CBR4: variants seen among roughly 807,000 people sequenced by gnomAD.
CBR4 encodes 3-oxoacyl-[acyl-carrier-protein] reductase.
CBR4 carries 22 observed loss-of-function variants against 21.0 expected under a neutral mutation model. The observed-to-expected ratio is 1.05, with a 90% CI of 0.75 to 1.50. CBR4 has a LOEUF of 1.50. Among genes scored for constraint, CBR4 ranks in the 40% most tolerant of loss-of-function variants. CBR4 has a pLI of 0.00. For missense variants in CBR4, 302 were observed against 286.3 expected (o/e 1.05, Z -0.40); for synonymous variants, 100 against 104.4 (o/e 0.96, Z 0.26).
At chr4:168,906,944 T>G (rs1001771406) in intron 2 of CBR4, among the ~76,000 whole-genome samples, 5 of 152,162 alleles carry the variant, frequency 3.3e-5, no homozygotes, top group African/African-American at 1.2e-4. Context: ...GCAACACCGA[T>G]GATACTGAAA....
chr4:168,985,361 A>G (rs999749608), downstream of CBR4, among the ~76,000 whole-genome samples: 1 of 152,208 alleles, frequency 6.6e-6, no homozygotes, highest in African/African-American at 2.4e-5. Flanking sequence ...CGCCACTCAG[A>G]TTGGCTATTA....
chr4:169,002,122 G>A lies in CBR4; in HGVS notation c.484C>T (p.Leu162Phe). ...KGGLVGFSRA[L>F]AKEVARKKIR... ...TTCTTTCTTGCTACCTCTTTAGCAA[G>A]AGCACGTGAAAATCCAACTAATCCT... Residue 162 changes from leucine (L) to phenylalanine (F), a missense_variant, in exon 4 of 5, where the codon CTT becomes TTT. Leu to Phe is a conservative substitution (Grantham distance 22, BLOSUM62 0). Transcript: ENST00000306193. The A allele has an allele frequency of 1.9e-6, 3 of 1,590,406 alleles. No individual in the cohort carries two copies. Among genetic ancestry groups the A allele is most frequent in the Non-Finnish European group, 2.6e-6 (3 of 1,170,414 alleles).
At position 168,924,391 on chromosome 4, in the gene CBR4, A is replaced by G. The variant is rs1254614507; in HGVS notation, n.170-29626T>C. The G allele has an allele frequency of 6.2e-7, 1 of 1,613,916 alleles. No homozygotes were observed. Among genetic ancestry groups the G allele is most frequent in the Admixed American group, 1.7e-5 (1 of 60,000 alleles). Reference sequence around the variant, plus strand: ...AGATATTTTGGAAGAAAGAAAATGAATCACTCACTCACAGCACTGACCGAG... The same window carrying G: ...AGATATTTTGGAAGAAAGAAAATGAGTCACTCACTCACAGCACTGACCGAG... On this transcript the variant is annotated intron_variant and non_coding_transcript_variant, in intron 2 of 3. Coordinates refer to the CBR4 transcript ENST00000509108.
At chr4:168,895,837 T>C (rs1031250651) in intron 2 of CBR4, among the ~76,000 whole-genome samples, 1 of 152,264 alleles carries the variant, frequency 6.6e-6, no homozygotes, top group Non-Finnish European at 1.5e-5. Context: ...TTCTTTCACA[T>C]ATATACAGAT....
intron 4 of CBR4, among the ~76,000 whole-genome samples, chr4:168,995,824 T>C (rs1765172213): frequency 6.6e-6 from 1 of 152,144 alleles, no homozygotes; most frequent in Non-Finnish European, 1.5e-5. Context: ...CCAAGTAAGC[T>C]AGATATGGAA....
intron 4 of CBR4, among the ~76,000 whole-genome samples, chr4:169,000,137 T>C (rs1023228354): frequency 6.6e-6 from 1 of 152,326 alleles, no homozygotes; most frequent in African/African-American, 2.4e-5. Context: ...CAAATACATG[T>C]AGTTCCAAAC....
At position 168,933,890 on chromosome 4, in the gene CBR4, TAAAC is replaced by T. The variant is rs1582286306; in HGVS notation, n.170-39129_170-39126del. The stretch of plus-strand genomic sequence containing the variant: ...CAAAACTGTACAAATACATGGAAAT[TAAAC>T]AACATGCTCCTGACTGACCAATGGA... On this transcript the variant is annotated intron_variant and non_coding_transcript_variant, in intron 2 of 3. Coordinates refer to the CBR4 transcript ENST00000509108. Among the ~76,000 whole-genome samples the T allele has an allele frequency of 5.3e-5, 8 of 152,050 alleles. No individual in the cohort carries two copies. In the South Asian group the frequency reaches 1.7e-3, roughly 32 times the overall value.
intron 2 of CBR4, among the ~76,000 whole-genome samples, chr4:168,897,107 G>A (rs978694640): frequency 1.3e-5 from 2 of 152,086 alleles, no homozygotes; most frequent in Non-Finnish European, 2.9e-5. Context: ...CTGGGAATAC[G>A]GCATGAGCCA....
At chr4:168,981,783 C>T (rs925064870) in intron 2 of CBR4, among the ~76,000 whole-genome samples, 6 of 152,084 alleles carry the variant, frequency 3.9e-5, no homozygotes, top group Admixed American at 1.3e-4. Flanking sequence ...AAAAGAAATT[C>T]CAACCAAGAA....
In CBR4 at chr4:168,894,695, A is replaced by G. The variant is rs1754743835; in HGVS notation, n.240T>C. 3 of 1,610,482 alleles carry G rather than the reference A, an allele frequency of 1.9e-6. No homozygotes were observed. The highest frequency in any genetic ancestry group is 3.3e-5 in the Admixed American group (2 of 59,914). On this transcript the variant is annotated non_coding_transcript_exon_variant, in exon 3 of 4. Coordinates refer to the CBR4 transcript ENST00000509108. ...CTAATCAGGTACCATGTTGCTCTGGACTTCTTAGGGTAACATTTATTCTGT... is the reference window on the plus strand; with the variant it reads ...CTAATCAGGTACCATGTTGCTCTGGGCTTCTTAGGGTAACATTTATTCTGT...
chr4:168,961,941 AG>A, intron 2 of CBR4, among the ~76,000 whole-genome samples: 1 of 360 alleles, frequency 2.8e-3, no homozygotes, highest in Non-Finnish European at 5.2e-3. Flanking sequence ...AGGAGAGCAC[AG>A]GAGAGGAGAG....
chr4:168,957,743 C>T (rs1763727781), intron 2 of CBR4, among the ~76,000 whole-genome samples: 2 of 152,160 alleles, frequency 1.3e-5, no homozygotes, highest in Admixed American at 6.5e-5. Flanking sequence ...TATGGTTTAG[C>T]TGTGTTCCCA....
chr4:168,915,406 C>T (rs1340707111), intron 2 of CBR4, among the ~76,000 whole-genome samples: 10 of 152,118 alleles, frequency 6.6e-5, no homozygotes, highest in African/African-American at 2.4e-4. Context: ...ATATGGATAA[C>T]TAATGCAAAA....
Position 168,924,350 on chromosome 4 carries a change from G to A in CBR4, n.170-29585C>T. The A allele has an allele frequency of 6.2e-7, 1 of 1,613,864 alleles. No individual in the cohort carries two copies. The highest frequency in any genetic ancestry group is 8.5e-7 in the Non-Finnish European group (1 of 1,179,856). On this transcript the variant is annotated intron_variant and non_coding_transcript_variant, in intron 2 of 3. Transcript: ENST00000509108. ...AGTGCGGCTGGAATGTCGTGTATTG[G>A]GAGTGCCACCACCTCAGATATTTTG...
chr4:168,999,099 T>C (rs1429761649), intron 4 of CBR4, among the ~76,000 whole-genome samples: 1 of 152,158 alleles, frequency 6.6e-6, no homozygotes, highest in Non-Finnish European at 1.5e-5. Flanking sequence ...GAACAGTTTA[T>C]TTTATATTTA....
intron 4 of CBR4, chr4:169,001,364 T>C (rs1397491576): frequency 2.0e-5 from 3 of 152,136 alleles, no homozygotes; most frequent in African/African-American, 7.2e-5. Flanking sequence ...CTTAGGCAAG[T>C]CACTCTGAAT....
intron 2 of CBR4, among the ~76,000 whole-genome samples, chr4:168,899,397 T>TA (rs980328954): frequency 4.0e-5 from 6 of 150,988 alleles, no homozygotes; most frequent in South Asian, 2.1e-4. Flanking sequence ...GTGAAAAGAA[T>TA]AAAAAAAAGG....
At position 169,009,943 on chromosome 4, in the gene CBR4, C is replaced by T. The variant is rs1409982212; in HGVS notation, c.142+5G>A. Reference sequence around the variant, plus strand: ...ACAACTGGACAACTCCAGTTTGGTACCTACCGCCGAGGTCACCGGCGGCGG... The same window carrying T: ...ACAACTGGACAACTCCAGTTTGGTATCTACCGCCGAGGTCACCGGCGGCGG... On this transcript the variant is annotated splice_donor_5th_base_variant and intron_variant, in intron 1 of 4. Transcript: ENST00000306193. 1.9e-6 allele frequency: 3 copies of T among 1,609,488 alleles called. No homozygotes were observed. The highest frequency in any genetic ancestry group is 8.5e-7 in the Non-Finnish European group (1 of 1,178,240).
Position 168,988,537 on chromosome 4 carries a change from A to G in CBR4, c.*1613T>C. The G allele has an allele frequency of 1.0e-6, 1 of 985,362 alleles. No homozygotes were observed. Among genetic ancestry groups the G allele is most frequent in the Non-Finnish European group, 1.2e-6 (1 of 829,872 alleles). The allele number at this position is 985,362 out of a possible 1,614,324, so 61.0% of individuals were successfully genotyped here. A position where few individuals can be genotyped will look rare whatever the true frequency, so the allele number is the denominator to read the frequency against. ...CAATTGAGACAGCATTAGAGAAACT[A>G]TCTACTATGTCTGAATAAGCTCCCC... On this transcript the variant is annotated 3_prime_UTR_variant, in exon 5 of 5. Coordinates refer to ENST00000306193, the MANE Select transcript of CBR4 (RefSeq NM_032783.5).
Sources: allele counts gnomAD v4.1 joint callset (sites outside exome capture counted in the v4.1 genomes callset), GRCh38; gene constraint gnomAD v4.1.1; transcripts MANE v1.5; gene names NCBI Gene and HGNC (gene_info 2026-07-23, HGNC 2026-07-21).